Variants in KCNMA1 observed in about 807,000 individuals in gnomAD.
KCNMA1 encodes potassium calcium-activated channel subfamily M alpha 1, also known as Calcium-activated potassium channel subunit alpha-1.
A neutral mutation model predicts 140.0 loss-of-function variants in KCNMA1; 29 were observed. The ratio of observed to expected loss-of-function variants is 0.21; its 90% CI spans 0.15 to 0.28. The LOEUF (loss-of-function observed/expected upper bound fraction) is 0.28. KCNMA1 is among the 10% of genes least tolerant of loss of function. KCNMA1 has a pLI of 1.00. For synonymous variants in KCNMA1, 612 were observed against 611.9 expected, an observed-to-expected ratio of 1.00 and a Z score of 0.00; for missense variants, 880 against 1,602.2, an observed-to-expected ratio of 0.55 and a Z score of 7.70.
chr10:77,231,874 G>A (rs2053719942), intron 3 of KCNMA1, among the ~76,000 whole-genome samples: 1 of 152,144 alleles, frequency 6.6e-6, no homozygotes, highest in Admixed American at 6.5e-5. Flanking sequence ...AAAATTCAAT[G>A]GGACAATCAA....
intron 1 of KCNMA1, among the ~76,000 whole-genome samples, chr10:77,507,010 T>C (rs1195823518): frequency 1.3e-5 from 2 of 152,168 alleles, no homozygotes; most frequent in East Asian, 1.9e-4. Context: ...CAAAACTTCC[T>C]TCCAGAGGAG....
intron 5 of KCNMA1, among the ~76,000 whole-genome samples, chr10:77,145,931 G>T (rs1314889729): frequency 6.6e-6 from 1 of 152,160 alleles, no homozygotes. Context: ...AACAGTAATA[G>T]TAACCTACCT....
chr10:77,565,332 G>A (rs1206705495), intron 1 of KCNMA1, among the ~76,000 whole-genome samples: 2 of 152,216 alleles, frequency 1.3e-5, no homozygotes, highest in Non-Finnish European at 2.9e-5. Flanking sequence ...AGCGGGCGGG[G>A]AAACAGGGAG....
chr10:77,493,504 G>A (rs1000856939), intron 1 of KCNMA1, among the ~76,000 whole-genome samples: 36 of 152,250 alleles, frequency 2.4e-4, no homozygotes, highest in Admixed American at 1.8e-3. Flanking sequence ...GAGAATGCAC[G>A]CCCAACTGAG....
intron 1 of KCNMA1, chr10:77,636,589 G>C (rs1375795951): frequency 2.6e-6 from 4 of 1,536,074 alleles, no homozygotes; most frequent in Non-Finnish European, 2.6e-6. Flanking sequence ...GGAGTGGGAG[G>C]TTACATCAGA....
intron 2 of KCNMA1, among the ~76,000 whole-genome samples, chr10:77,363,117 A>AT (rs757624721): frequency 1.8e-3 from 111 of 61,230 alleles, no homozygotes; most frequent in African/African-American, 6.9e-3. Context: ...AAGAATTATT[A>AT]TTATTTTTTT....
chr10:77,012,169 G>GA, intron 17 of KCNMA1, 126 bp from the exon 18 acceptor site: 1 of 1,558,288 alleles, frequency 6.4e-7, no homozygotes, highest in Non-Finnish European at 8.7e-7. Context: ...TTAATCTTTT[G>GA]AAAGGTTTAG....
At chr10:77,399,286 T>G (rs2096180642) in intron 2 of KCNMA1, among the ~76,000 whole-genome samples, 1 of 152,026 alleles carries the variant, frequency 6.6e-6, no homozygotes, top group South Asian at 2.1e-4. Flanking sequence ...TTAAGAGAAA[T>G]CCTGACGACA....
chr10:77,550,566 A>G (rs1362365908), intron 1 of KCNMA1, among the ~76,000 whole-genome samples: 1 of 152,142 alleles, frequency 6.6e-6, no homozygotes, highest in Non-Finnish European at 1.5e-5. Context: ...AGAACCTAAG[A>G]GCTGGAACGG....
chr10:76,976,688 C>T (rs1021019371), intron 19 of KCNMA1, among the ~76,000 whole-genome samples: 1 of 152,214 alleles, frequency 6.6e-6, no homozygotes, highest in South Asian at 2.1e-4. Flanking sequence ...GTAGACTTGA[C>T]CTGTTAGAAT....
chr10:77,412,463 C>G (rs2096640763), intron 1 of KCNMA1, among the ~76,000 whole-genome samples: 1 of 152,226 alleles, frequency 6.6e-6, no homozygotes. Context: ...AGAAGGGCTC[C>G]TTCTCTCCTA....
In KCNMA1 at chr10:77,108,570, G is replaced by A. The variant is rs1253995985; in HGVS notation, c.1134C>T (p.Ala378=). The A allele has an allele frequency of 6.2e-7, 1 of 1,611,840 alleles. No individual in the cohort carries two copies. The highest frequency in any genetic ancestry group is 1.7e-5 in the Admixed American group (1 of 60,008). The part of the protein sequence containing the change: ...FMVFFILGGL[A]MFASYVPEII... ...TTTCAGGGACGTAGCTGGCAAACATGGCCTGAGAAGATAGGAGACAGAAGA... is the reference window on the plus strand; with the variant it reads ...TTTCAGGGACGTAGCTGGCAAACATAGCCTGAGAAGATAGGAGACAGAAGA... Residue 378 remains alanine (A), a splice_region_variant and synonymous_variant, in exon 9 of 28, where the codon GCC becomes GCT. Transcript: ENST00000286628. The surrounding 1 kb of genome is among the most constrained non-coding windows in gnomAD (Gnocchi z 4.6).
chr10:77,328,170 A>G (rs879383886), intron 2 of KCNMA1, among the ~76,000 whole-genome samples: 12 of 152,250 alleles, frequency 7.9e-5, no homozygotes, highest in Non-Finnish European at 1.6e-4. Flanking sequence ...ATTAAACAAA[A>G]CAATACATGC....
chr10:77,021,643 T>A (rs929971339), intron 16 of KCNMA1, among the ~76,000 whole-genome samples: 1 of 152,246 alleles, frequency 6.6e-6, no homozygotes, highest in Admixed American at 6.5e-5. Flanking sequence ...TCCTTAAATC[T>A]ATGGCTGATT....
At chr10:77,154,080 T>G (rs949960216) in intron 5 of KCNMA1, among the ~76,000 whole-genome samples, 3 of 152,172 alleles carry the variant, frequency 2.0e-5, no homozygotes, top group African/African-American at 7.2e-5. Flanking sequence ...GTTTCCCTCA[T>G]GCTTTTCTCG....
At chr10:77,055,731 A>G (rs969819042) in intron 14 of KCNMA1, among the ~76,000 whole-genome samples, 2 of 152,172 alleles carry the variant, frequency 1.3e-5, no homozygotes, top group Non-Finnish European at 2.9e-5. Flanking sequence ...TGTGAACACA[A>G]TCACAGAAAG....
intron 23 of KCNMA1, among the ~76,000 whole-genome samples, chr10:76,932,745 T>C (rs571610256): frequency 5.3e-5 from 8 of 152,344 alleles, no homozygotes; most frequent in African/African-American, 1.9e-4. Context: ...CTGACAGCCA[T>C]GTTTGTGATT....
At chr10:77,123,030 A>T (rs940969265) in intron 5 of KCNMA1, among the ~76,000 whole-genome samples, 2 of 151,216 alleles carry the variant, frequency 1.3e-5, no homozygotes, top group East Asian at 1.9e-4. Flanking sequence ...ACACAAAAAA[A>T]TTAGCCGGGC....
intron 15 of KCNMA1, among the ~76,000 whole-genome samples, chr10:77,031,240 T>C (rs2093917888): frequency 6.6e-6 from 1 of 152,220 alleles, no homozygotes. Flanking sequence ...AAACTGTAAA[T>C]AGATGCCAAC....
Sources: gnomAD v4.1 joint callset for allele counts (sites outside exome capture counted in the v4.1 genomes callset) on GRCh38, gnomAD v4.1.1 for gene constraint, Gnocchi (gnomAD v3.1) non-coding constraint, MANE v1.5 for transcripts, NCBI Gene and HGNC (gene_info 2026-07-23, HGNC 2026-07-21) for gene names.